GPC5: variants seen among roughly 807,000 people sequenced by gnomAD.
GPC5 encodes the protein glypican-5.
A neutral mutation model predicts 53.9 loss-of-function variants in GPC5; 47 were observed. That is an observed-to-expected ratio of 0.87 (90% CI 0.69 to 1.11). The LOEUF (loss-of-function observed/expected upper bound fraction) is 1.11, where lower values mean the gene tolerates loss of function less well. Ranked by LOEUF, GPC5 falls within the 50% of genes most tolerant of loss-of-function variation. The pLI is 0.00. For missense variants in GPC5, 748 were observed against 713.1 expected (o/e 1.05, Z -0.56); for synonymous variants, 286 against 263.3 (o/e 1.09, Z -0.84).
intron 7 of GPC5, among the ~76,000 whole-genome samples, chr13:92,632,718 C>T (rs1885289918): frequency 6.6e-6 from 1 of 151,846 alleles, no homozygotes; most frequent in Admixed American, 6.6e-5. Context: ...TAAAGACATA[C>T]CTGAGACTGG....
chr13:91,524,111 A>T (rs1401721564), intron 2 of GPC5, among the ~76,000 whole-genome samples: 3 of 152,146 alleles, frequency 2.0e-5, no homozygotes, highest in African/African-American at 7.2e-5. Context: ...TGATTTTTCA[A>T]AGGAATAAAT....
chr13:91,604,048 C>T (rs1018199287), intron 2 of GPC5, among the ~76,000 whole-genome samples: 7 of 149,384 alleles, frequency 4.7e-5, no homozygotes, highest in African/African-American at 1.7e-4. Context: ...GTGCGCTGCA[C>T]CCACTAACTC....
At chr13:91,989,178 G>A (rs2040435086) in intron 6 of GPC5, among the ~76,000 whole-genome samples, 3 of 152,032 alleles carry the variant, frequency 2.0e-5, no homozygotes, top group Admixed American at 2.0e-4. Flanking sequence ...AGTTCTTCCA[G>A]GCAGTTTTAT....
At chr13:92,292,001 C>T (rs1330608710) in intron 7 of GPC5, among the ~76,000 whole-genome samples, 4 of 152,196 alleles carry the variant, frequency 2.6e-5, no homozygotes, top group African/African-American at 4.8e-5. Context: ...CAAGGGTCCG[C>T]GGCTTCATTC....
At chr13:92,076,582 T>G (rs2041254078) in intron 6 of GPC5, among the ~76,000 whole-genome samples, 1 of 151,156 alleles carries the variant, frequency 6.6e-6, no homozygotes, top group Non-Finnish European at 1.5e-5. Context: ...TTTTTTATCT[T>G]GCCCAAATTC....
intron 5 of GPC5, among the ~76,000 whole-genome samples, 186 bp from the exon 6 acceptor site, chr13:91,907,751 C>G (rs1241584647): frequency 6.6e-6 from 1 of 151,768 alleles, no homozygotes; most frequent in African/African-American, 2.4e-5. Flanking sequence ...GATCTAATGG[C>G]ACGATAAGCA....
chr13:92,554,135 C>T (rs1882414318), intron 7 of GPC5, among the ~76,000 whole-genome samples: 1 of 151,858 alleles, frequency 6.6e-6, no homozygotes, highest in Admixed American at 6.6e-5. Flanking sequence ...AGAGTTAAGA[C>T]ACAGTATGCT....
chr13:91,968,530 C>T (rs556575628), intron 6 of GPC5, among the ~76,000 whole-genome samples: 12 of 152,092 alleles, frequency 7.9e-5, no homozygotes, highest in African/African-American at 2.9e-4. Flanking sequence ...GGCGCAATCT[C>T]GGCTCACTGC....
intron 7 of GPC5, among the ~76,000 whole-genome samples, chr13:92,595,625 G>A (rs371396415): frequency 5.3e-5 from 8 of 151,282 alleles, no homozygotes; most frequent in African/African-American, 1.5e-4. Context: ...AAAATTAGCC[G>A]GGCGTGGTGG....
At chr13:91,615,773 C>A (rs2033679122) in intron 2 of GPC5, among the ~76,000 whole-genome samples, 1 of 152,150 alleles carries the variant, frequency 6.6e-6, no homozygotes, top group Non-Finnish European at 1.5e-5. Flanking sequence ...GTTCTTATTT[C>A]CTTAGAGTAA....
chr13:91,789,810 T>C (rs1273131778), intron 5 of GPC5, among the ~76,000 whole-genome samples: 1 of 152,186 alleles, frequency 6.6e-6, no homozygotes, highest in Non-Finnish European at 1.5e-5. Flanking sequence ...CTTCACACTA[T>C]AGGCTGGGAA....
intron 2 of GPC5, among the ~76,000 whole-genome samples, chr13:91,639,774 A>T (rs543873925): frequency 7.9e-5 from 12 of 152,352 alleles, no homozygotes; most frequent in African/African-American, 2.6e-4. Context: ...TGGAGGACAT[A>T]TAGTATTCAG....
At position 92,100,338 on chromosome 13, in the gene GPC5, G is replaced by T. The variant is rs537032160; in HGVS notation, c.1402-44492G>T. 1.4e-4 allele frequency among the ~76,000 whole-genome samples: 22 copies of T among 152,214 alleles called. 1 individual carries two copies. The South Asian group carries it at 4.4e-3, about 30-fold the overall frequency. ...AATTGCTTTAACCTGGGAGGCAGAG[G>T]TTGCCGTGAGCCGAGATCACAGCAC... On this transcript the variant is annotated intron_variant, in intron 6 of 7. Coordinates refer to ENST00000377067, the MANE Select transcript of GPC5 (RefSeq NM_004466.6).
intron 5 of GPC5, among the ~76,000 whole-genome samples, chr13:91,772,934 A>G (rs1353791561): frequency 6.6e-6 from 1 of 152,114 alleles, no homozygotes; most frequent in African/African-American, 2.4e-5. Context: ...TTTTTTTTCT[A>G]AGATTTTAGA....
chr13:92,859,516 A>G (rs1835780211), intron 7 of GPC5, among the ~76,000 whole-genome samples: 2 of 152,048 alleles, frequency 1.3e-5, no homozygotes, highest in African/African-American at 4.8e-5. Context: ...AAAATTTTCT[A>G]ATTTCATTAA....
intron 7 of GPC5, among the ~76,000 whole-genome samples, chr13:92,147,038 G>A (rs1315146663): frequency 1.3e-5 from 2 of 152,016 alleles, no homozygotes; most frequent in Non-Finnish European, 2.9e-5. Context: ...AAGCCAGGAT[G>A]AGTAAGTACT....
At chr13:92,801,606 A>T (rs1876911697) in intron 7 of GPC5, among the ~76,000 whole-genome samples, 1 of 151,716 alleles carries the variant, frequency 6.6e-6, no homozygotes, top group Admixed American at 6.6e-5. Flanking sequence ...CATTGTTATT[A>T]TAAAAGGTGA....
At chr13:92,764,883 T>G (rs1875331789) in intron 7 of GPC5, among the ~76,000 whole-genome samples, 1 of 152,102 alleles carries the variant, frequency 6.6e-6, no homozygotes, top group Non-Finnish European at 1.5e-5. Context: ...GTTTATGTCA[T>G]TACAATGGAT....
At chr13:91,547,528 C>A (rs2138798131) in intron 2 of GPC5, among the ~76,000 whole-genome samples, 1 of 152,054 alleles carries the variant, frequency 6.6e-6, no homozygotes, top group South Asian at 2.1e-4. Context: ...CAGAAAGCAC[C>A]AGGCCCAGAT....
Sources: allele counts gnomAD v4.1 joint callset (sites outside exome capture counted in the v4.1 genomes callset), GRCh38; gene constraint gnomAD v4.1.1; transcripts MANE v1.5; gene names NCBI Gene and HGNC (gene_info 2026-07-23, HGNC 2026-07-21).